Variants in TTC28 observed in about 807,000 individuals in gnomAD.
TTC28 encodes tetratricopeptide repeat domain 28, also known as tetratricopeptide repeat protein 28.
Under a neutral mutation model 198.0 loss-of-function variants are expected in TTC28, and 61 were observed. The ratio of observed to expected loss-of-function variants is 0.31; its 90% confidence interval spans 0.25 to 0.38. TTC28 has a LOEUF of 0.38. Ranked by LOEUF, TTC28 falls within the 10% of genes least tolerant of loss-of-function variation. The probability of loss-of-function intolerance (pLI) is 1.00; values close to 1 mark genes in which losing one functional copy is unlikely to be tolerated. For synonymous variants in TTC28, 1,171 were observed against 1,297.8 expected, an observed-to-expected ratio of 0.90 and a Z score of 2.10; for missense variants, 2,678 against 3,164.0, an observed-to-expected ratio of 0.85 and a Z score of 3.69.
intron 5 of TTC28, among the ~76,000 whole-genome samples, chr22:28,201,601 C>T (rs1281225268): frequency 6.6e-6 from 1 of 151,932 alleles, no homozygotes; most frequent in African/African-American, 2.4e-5. Flanking sequence ...AATGCAACTT[C>T]AGTTGCAGTA....
At chr22:28,293,160 T>C (rs2044819639) in intron 5 of TTC28, among the ~76,000 whole-genome samples, 3 of 152,164 alleles carry the variant, frequency 2.0e-5, no homozygotes, top group African/African-American at 7.2e-5. Flanking sequence ...AATGCCCTTG[T>C]TCACTGCAGA....
At chr22:28,522,124 G>A (rs2048920229) in intron 2 of TTC28, among the ~76,000 whole-genome samples, 1 of 152,176 alleles carries the variant, frequency 6.6e-6, no homozygotes, top group Non-Finnish European at 1.5e-5. Flanking sequence ...ACAAACAAGA[G>A]AATCACAGGT....
intron 12 of TTC28, among the ~76,000 whole-genome samples, chr22:28,083,023 G>T (rs1014167272): frequency 6.6e-6 from 1 of 150,840 alleles, no homozygotes; most frequent in Non-Finnish European, 1.5e-5. Context: ...AAATCTGCAA[G>T]ATTAATTGAT....
At chr22:28,217,127 T>C (rs1214758497) in intron 5 of TTC28, among the ~76,000 whole-genome samples, 3 of 152,154 alleles carry the variant, frequency 2.0e-5, no homozygotes, top group East Asian at 1.9e-4. Context: ...AGTTACAGCA[T>C]ATTCATTAGG....
chr22:28,286,964 T>C (rs2145752670), intron 5 of TTC28, among the ~76,000 whole-genome samples: 1 of 152,272 alleles, frequency 6.6e-6, no homozygotes, highest in African/African-American at 2.4e-5. Flanking sequence ...GATTCAATGC[T>C]AACCCAGTCA....
chr22:28,220,612 C>T (rs1927780698), intron 5 of TTC28, among the ~76,000 whole-genome samples: 1 of 152,200 alleles, frequency 6.6e-6, no homozygotes, highest in East Asian at 1.9e-4. Context: ...CTACTTGCTA[C>T]CTCATAGCCA....
At chr22:28,110,005 A>G (rs2146908715) in intron 6 of TTC28, among the ~76,000 whole-genome samples, 1 of 152,362 alleles carries the variant, frequency 6.6e-6, no homozygotes, top group East Asian at 1.9e-4. Context: ...AGCAGACATT[A>G]GCTGGGCATT....
intron 2 of TTC28, among the ~76,000 whole-genome samples, chr22:28,538,295 C>T (rs959501262): frequency 6.6e-6 from 1 of 151,996 alleles, no homozygotes; most frequent in Non-Finnish European, 1.5e-5. Context: ...GCTATGTTGC[C>T]CAGGCTGGTC....
intron 2 of TTC28, among the ~76,000 whole-genome samples, chr22:28,562,518 T>C (rs1393308484): frequency 3.9e-5 from 6 of 152,104 alleles, no homozygotes; most frequent in African/African-American, 1.2e-4. Context: ...AGAACCACCG[T>C]AGAAGTGAAA....
intron 5 of TTC28, among the ~76,000 whole-genome samples, chr22:28,176,304 C>A (rs1601430644): frequency 6.6e-6 from 1 of 151,838 alleles, no homozygotes; most frequent in East Asian, 1.9e-4. Flanking sequence ...GTGAAATAAG[C>A]CAGACAAAGA....
intron 5 of TTC28, among the ~76,000 whole-genome samples, chr22:28,204,570 A>C (rs1419279867): frequency 6.6e-6 from 1 of 152,106 alleles, no homozygotes; most frequent in South Asian, 2.1e-4. Context: ...CCAATACCAT[A>C]AACAGTAGCC....
intron 2 of TTC28, among the ~76,000 whole-genome samples, chr22:28,616,846 C>CAA (rs111378415): frequency 9.2e-4 from 122 of 132,494 alleles, no homozygotes; most frequent in African/African-American, 3.1e-3. Flanking sequence ...GACCCTGTCT[C>CAA]AAAAAAAAAA....
chr22:28,143,168 T>G (rs991440014), intron 6 of TTC28, among the ~76,000 whole-genome samples: 1 of 152,190 alleles, frequency 6.6e-6, no homozygotes, highest in Admixed American at 6.5e-5. Flanking sequence ...TAAGAATGAC[T>G]TTTATTTTGC....
At chr22:28,663,351 A>G (rs1233545346) in intron 1 of TTC28, among the ~76,000 whole-genome samples, 2 of 113,402 alleles carry the variant, frequency 1.8e-5, no homozygotes, top group African/African-American at 7.5e-5. Flanking sequence ...AGCGACACAG[A>G]AGACGGGTGA....
In TTC28 at chr22:28,214,211, A is replaced by C. The variant is rs557020165; in HGVS notation, c.934-50612T>G. ...AAACCTAGGCAATACCATTCAGGAC[A>C]TAGGCATGGCCAAGGACTTCATGTC... On this transcript the variant is annotated intron_variant, in intron 5 of 22. Transcript: ENST00000397906. 2.0e-5 allele frequency among the ~76,000 whole-genome samples: 3 copies of C among 152,356 alleles called. No homozygotes were observed. In the East Asian group the frequency reaches 5.8e-4, roughly 29 times the overall value.
intron 2 of TTC28, among the ~76,000 whole-genome samples, chr22:28,450,992 G>A (rs1315212640): frequency 6.6e-6 from 1 of 152,198 alleles, no homozygotes; most frequent in African/African-American, 2.4e-5. Context: ...TGAGAAAACA[G>A]AGATCAGTGT....
At chr22:28,458,532 T>G (rs2047898530) in intron 2 of TTC28, among the ~76,000 whole-genome samples, 1 of 152,214 alleles carries the variant, frequency 6.6e-6, no homozygotes, top group Admixed American at 6.5e-5. Context: ...GATATGTTCC[T>G]GAATATGAGG....
chr22:28,663,303 C>T (rs186199049), intron 1 of TTC28, among the ~76,000 whole-genome samples: 1 of 151,292 alleles, frequency 6.6e-6, no homozygotes, highest in African/African-American at 2.4e-5. Context: ...GCCAAGATGG[C>T]CGAATAGGAA....
Position 28,020,778 on chromosome 22 carries a change from AAC to A in TTC28, c.4074-6388_4074-6387del, listed in dbSNP as rs34174077. On this transcript the variant is annotated intron_variant, in intron 13 of 22. Coordinates refer to ENST00000397906, the MANE Select transcript of TTC28 (RefSeq NM_001145418.2). ...CAGCCTGGGCAAGTCCCCCTCCCCC[AAC>A]ACACACACACACACACACACACGCA... Among the ~76,000 whole-genome samples, 393 of 148,198 alleles carry A rather than the reference AAC, an allele frequency of 2.7e-3. 2 individuals are homozygous for A. Among genetic ancestry groups the A allele is most frequent in the Non-Finnish European group, 1.6e-3 (106 of 66,734 alleles).
Sources: allele counts gnomAD v4.1 joint callset (sites outside exome capture counted in the v4.1 genomes callset), GRCh38; gene constraint gnomAD v4.1.1; transcripts MANE v1.5; gene names NCBI Gene and HGNC (gene_info 2026-07-23, HGNC 2026-07-21).